The following DCC variants were observed in gnomAD, a reference collection of about 807,000 sequenced individuals.
DCC encodes DCC netrin 1 receptor.
A neutral mutation model predicts 172.5 loss-of-function variants in DCC; 58 were observed. That is an observed-to-expected ratio of 0.34 (90% CI 0.27 to 0.42). The LOEUF (loss-of-function observed/expected upper bound fraction) is 0.42, where lower values mean the gene tolerates loss of function less well. Among genes scored for constraint, DCC ranks in the 10% least tolerant of loss-of-function variants. The pLI is 1.00. For synonymous variants in DCC, 709 were observed against 644.5 expected (o/e 1.10, Z -1.52); for missense variants, 1,740 against 1,791.0 (o/e 0.97, Z 0.51).
chr18:52,340,627 G>A lies in DCC; in HGVS notation c.-161G>A, dbSNP rs1363690401. On this transcript the variant is annotated 5_prime_UTR_variant, in exon 1 of 29. Transcript: ENST00000442544. ...AAAAGGCTTCGAAGGCAGCAGAGGC[G>A]CAGGGGAGGTGGAGAAAGAGGTGGA... The A allele has an allele frequency of 4.2e-5, 31 of 741,134 alleles. 2 individuals carry two copies. Among genetic ancestry groups the A allele is most frequent in the South Asian group, 4.0e-4 (28 of 70,804 alleles). The allele number at this position is 741,134 out of a possible 1,614,324, so 45.9% of individuals were successfully genotyped here.
intron 26 of DCC, among the ~76,000 whole-genome samples, chr18:53,494,050 G>A (rs576111187): frequency 2.6e-5 from 4 of 152,158 alleles, no homozygotes; most frequent in Non-Finnish European, 4.4e-5. Flanking sequence ...TGGTTTCAAA[G>A]AACATCTTTA....
chr18:53,218,484 T>C (rs1348771229), intron 12 of DCC, among the ~76,000 whole-genome samples: 8 of 152,088 alleles, frequency 5.3e-5, no homozygotes, highest in African/African-American at 1.9e-4. Flanking sequence ...AAGAACAAAA[T>C]TCTCTTACTG....
intron 25 of DCC, among the ~76,000 whole-genome samples, chr18:53,483,410 T>C (rs1227356873): frequency 6.6e-6 from 1 of 151,846 alleles, no homozygotes; most frequent in Non-Finnish European, 1.5e-5. Context: ...TAAATACCTG[T>C]GAAAGATGGA....
chr18:52,973,897 G>A (rs1289462673), intron 5 of DCC, among the ~76,000 whole-genome samples: 1 of 152,082 alleles, frequency 6.6e-6, no homozygotes, highest in African/African-American at 2.4e-5. Context: ...TCATTCGGTA[G>A]ATCAAAGAAG....
At chr18:53,057,406 T>C (rs2042423911) in intron 5 of DCC, among the ~76,000 whole-genome samples, 1 of 152,130 alleles carries the variant, frequency 6.6e-6, no homozygotes, top group Non-Finnish European at 1.5e-5. Context: ...TAAACACTTT[T>C]AAAAAACAGA....
intron 5 of DCC, among the ~76,000 whole-genome samples, chr18:53,057,129 T>C (rs1466219914): frequency 1.3e-5 from 2 of 149,864 alleles, no homozygotes; most frequent in Non-Finnish European, 3.0e-5. Flanking sequence ...TATGGGGTGT[T>C]GCTGAAAATA....
intron 25 of DCC, among the ~76,000 whole-genome samples, chr18:53,482,941 T>C (rs535787317): frequency 6.6e-6 from 1 of 152,028 alleles, no homozygotes; most frequent in South Asian, 2.1e-4. Flanking sequence ...TTATATTAAC[T>C]ATATACCCCA....
chr18:52,703,383 T>A (rs1485877564), intron 1 of DCC, among the ~76,000 whole-genome samples: 2 of 152,218 alleles, frequency 1.3e-5, no homozygotes, highest in Non-Finnish European at 2.9e-5. Flanking sequence ...ATATCATTAA[T>A]GACCTTCCAG....
intron 2 of DCC, among the ~76,000 whole-genome samples, chr18:52,903,399 G>A (rs192637390): frequency 3.9e-4 from 59 of 152,060 alleles, no homozygotes; most frequent in Admixed American, 2.2e-3. Context: ...TAGCGACAGC[G>A]TTTCATCATG....
intron 1 of DCC, among the ~76,000 whole-genome samples, chr18:52,667,477 C>A (rs1049690786): frequency 6.6e-6 from 1 of 152,148 alleles, no homozygotes; most frequent in Non-Finnish European, 1.5e-5. Context: ...AGGCTCAGAC[C>A]TTGCAGGAGA....
intron 3 of DCC, 120 bp downstream of exon 3, chr18:52,906,448 G>C (rs978451264): frequency 1.3e-5 from 13 of 1,038,934 alleles, no homozygotes; most frequent in Non-Finnish European, 1.6e-5. Flanking sequence ...ATTGCGTTTT[G>C]TTTATTATTT....
At chr18:53,513,990 C>A (rs537469118) in intron 27 of DCC, among the ~76,000 whole-genome samples, 77 of 151,020 alleles carry the variant, frequency 5.1e-4, no homozygotes, top group African/African-American at 1.8e-3. Flanking sequence ...AACTCTCCAC[C>A]CCAAATCAAC....
intron 7 of DCC, among the ~76,000 whole-genome samples, chr18:53,142,225 A>G (rs1276415195): frequency 6.6e-6 from 1 of 152,248 alleles, no homozygotes; most frequent in East Asian, 1.9e-4. Context: ...AAGCGTCAGC[A>G]TGAATCATAA....
intron 1 of DCC, among the ~76,000 whole-genome samples, chr18:52,750,434 A>C (rs1193391246): frequency 6.6e-6 from 1 of 152,200 alleles, no homozygotes; most frequent in Non-Finnish European, 1.5e-5. Context: ...GTCATCTGGG[A>C]TCTTTATCAA....
chr18:53,096,082 C>A (rs1194549984), intron 7 of DCC, among the ~76,000 whole-genome samples: 2 of 151,874 alleles, frequency 1.3e-5, no homozygotes, highest in African/African-American at 4.8e-5. Context: ...GTGCAGCACA[C>A]CAGCGTGGCA....
At chr18:53,081,458 G>A (rs370286538) in intron 7 of DCC, among the ~76,000 whole-genome samples, 7 of 151,970 alleles carry the variant, frequency 4.6e-5, no homozygotes, top group African/African-American at 1.7e-4. Context: ...ATATCACCTA[G>A]GGAAAGCAGT....
chr18:52,889,680 G>A (rs1273548668), intron 2 of DCC, among the ~76,000 whole-genome samples: 8 of 152,020 alleles, frequency 5.3e-5, no homozygotes, highest in African/African-American at 1.7e-4. Flanking sequence ...TTTATTAGTT[G>A]TTTCAAAGAG....
intron 26 of DCC, among the ~76,000 whole-genome samples, chr18:53,490,894 C>T (rs2144387394): frequency 6.6e-6 from 1 of 152,156 alleles, no homozygotes; most frequent in East Asian, 1.9e-4. Flanking sequence ...GATGGAAATC[C>T]TATACCTGTT....
chr18:52,663,517 G>A (rs1001137392), intron 1 of DCC, among the ~76,000 whole-genome samples: 2 of 151,702 alleles, frequency 1.3e-5, no homozygotes, highest in Admixed American at 6.6e-5. Context: ...GGACAGTTGG[G>A]GTAATAATTA....
Sources: gnomAD v4.1 joint callset for allele counts (sites outside exome capture counted in the v4.1 genomes callset) on GRCh38, gnomAD v4.1.1 for gene constraint, MANE v1.5 for transcripts, NCBI Gene and HGNC (gene_info 2026-07-23, HGNC 2026-07-21) for gene names.